Variants in EDNRB observed in about 807,000 individuals in gnomAD.
EDNRB encodes Hirschsprung disease 2.
A neutral mutation model predicts 46.4 loss-of-function variants in EDNRB; 18 were observed. That is an observed-to-expected ratio of 0.39 (90% CI 0.27 to 0.57). EDNRB has a LOEUF of 0.57. Among genes scored for constraint, EDNRB ranks in the 20% least tolerant of loss-of-function variants. The probability of loss-of-function intolerance (pLI) is 0.61; values close to 1 mark genes in which losing one functional copy is unlikely to be tolerated. For missense variants in EDNRB, 434 were observed against 537.5 expected (o/e 0.81, Z 1.90); for synonymous variants, 213 against 204.9 (o/e 1.04, Z -0.34).
intron 3 of EDNRB, 50 bp from the exon 4 acceptor site, chr13:77,901,257 C>T: frequency 6.3e-7 from 1 of 1,585,818 alleles, no homozygotes. Context: ...GTAAGAAAAT[C>T]TTATATAACA....
At chr13:77,911,572 G>C (rs1221972635) in intron 1 of EDNRB, among the ~76,000 whole-genome samples, 2 of 151,986 alleles carry the variant, frequency 1.3e-5, no homozygotes, top group Admixed American at 6.6e-5. Flanking sequence ...CCTCAAAAGG[G>C]GAGACTTGCT....
intron 1 of EDNRB, among the ~76,000 whole-genome samples, chr13:77,962,923 G>A (rs1258165430): frequency 6.6e-6 from 1 of 152,192 alleles, no homozygotes; most frequent in African/African-American, 2.4e-5. Flanking sequence ...CTTCAGCAAA[G>A]TCTCAGGATA....
upstream of EDNRB, among the ~76,000 whole-genome samples, chr13:77,922,540 T>C (rs1415295285): frequency 6.6e-6 from 1 of 152,014 alleles, no homozygotes; most frequent in Non-Finnish European, 1.5e-5. Flanking sequence ...ACAGAAAGAG[T>C]TGGTTCAACT....
upstream of EDNRB, chr13:77,919,399 C>A: frequency 6.2e-7 from 1 of 1,610,490 alleles, no homozygotes; most frequent in Non-Finnish European, 8.5e-7. Flanking sequence ...ATGTTTACCT[C>A]TCGGATCTGA....
intron 1 of EDNRB, among the ~76,000 whole-genome samples, chr13:77,955,929 G>T (rs1398233800): frequency 6.6e-6 from 1 of 151,362 alleles, no homozygotes; most frequent in African/African-American, 2.4e-5. Context: ...TTTAATCACA[G>T]TAGTTTTTAA....
intron 1 of EDNRB, among the ~76,000 whole-genome samples, chr13:77,961,892 T>C (rs1377403374): frequency 6.6e-6 from 1 of 151,674 alleles, no homozygotes; most frequent in African/African-American, 2.4e-5. Context: ...TCAAGACTAA[T>C]AAAGAAGACA....
intron 3 of EDNRB, among the ~76,000 whole-genome samples, chr13:77,902,267 C>T (rs921940982): frequency 5.9e-5 from 9 of 151,922 alleles, no homozygotes; most frequent in East Asian, 1.9e-4. Flanking sequence ...GTGCAGATTA[C>T]GTAGTAGTTG....
rs933852999 is a variant in EDNRB at position 77,896,793 on chromosome 13, C to T, written c.*1407G>A. Reference sequence around the variant, plus strand: ...CCTCATTTCCTCTCTCTTCCGTTTTCTCTTGTACATACTTTCACACACATC... The same window carrying T: ...CCTCATTTCCTCTCTCTTCCGTTTTTTCTTGTACATACTTTCACACACATC... On this transcript the variant is annotated 3_prime_UTR_variant, in exon 7 of 7. Coordinates refer to ENST00000646607, the MANE Select transcript of EDNRB (RefSeq NM_001122659.3). 2.3e-5 allele frequency: 30 copies of T among 1,278,862 alleles called. No homozygotes were observed. In the African/African-American group the frequency reaches 4.3e-4, roughly 18 times the overall value. 79.2% of individuals were successfully genotyped at this position (1,278,862 alleles called of 1,614,324 possible). A position where few individuals can be genotyped will look rare whatever the true frequency, so the allele number is the denominator to read the frequency against.
Position 77,960,653 on chromosome 13 carries a change from C to G in EDNRB, c.-52+14694G>C, listed in dbSNP as rs188961209. On this transcript the variant is annotated intron_variant, in intron 1 of 7. Transcript: ENST00000646948. ...ACTAATGAGCAAAATAACCAGTTAT[C>G]ATCATAATTGGCAGGATCAAATTCG... 2.6e-5 allele frequency among the ~76,000 whole-genome samples: 4 copies of G among 152,232 alleles called. No individual in the cohort carries two copies. The East Asian group carries it at 7.7e-4, about 29-fold the overall frequency.
intron 1 of EDNRB, among the ~76,000 whole-genome samples, chr13:77,941,114 GA>G (rs1880731871): frequency 6.6e-6 from 1 of 152,206 alleles, no homozygotes; most frequent in South Asian, 2.1e-4. Context: ...CTTAGACACA[GA>G]TGCATATTTG....
chr13:77,941,977 T>TA (rs1880761604), intron 1 of EDNRB, among the ~76,000 whole-genome samples: 2 of 152,178 alleles, frequency 1.3e-5, no homozygotes, highest in Non-Finnish European at 2.9e-5. Context: ...ATTTAAACAT[T>TA]ATTAACCACT....
intron 1 of EDNRB, among the ~76,000 whole-genome samples, chr13:77,954,592 A>G (rs1028624976): frequency 1.3e-5 from 2 of 151,782 alleles, no homozygotes; most frequent in Non-Finnish European, 1.5e-5. Flanking sequence ...GCTCACTGCC[A>G]TCTTCACCTC....
intron 1 of EDNRB, among the ~76,000 whole-genome samples, chr13:77,943,648 T>C (rs1046715339): frequency 6.6e-6 from 1 of 152,106 alleles, no homozygotes; most frequent in Non-Finnish European, 1.5e-5. Flanking sequence ...TTTCAGCCTT[T>C]AGCATTCTTG....
chr13:77,903,077 A>C (rs1879081383), intron 3 of EDNRB, 79 bp downstream of exon 3: 1 of 1,444,550 alleles, frequency 6.9e-7, no homozygotes, highest in Non-Finnish European at 9.6e-7. Context: ...CAGTTTCCCA[A>C]GGAGTGGGGA....
intron 1 of EDNRB, among the ~76,000 whole-genome samples, chr13:77,965,384 A>G (rs2137689651): frequency 6.6e-6 from 1 of 152,350 alleles, no homozygotes; most frequent in South Asian, 2.1e-4. Context: ...GAGAAGTTTA[A>G]GAAATGCCCA....
intron 1 of EDNRB, among the ~76,000 whole-genome samples, chr13:77,938,957 T>C (rs1304241423): frequency 6.6e-6 from 1 of 152,188 alleles, no homozygotes; most frequent in Non-Finnish European, 1.5e-5. Flanking sequence ...GAGGTCCCCC[T>C]ATCTGAGTCA....
chr13:77,919,419 T>G (rs1168908016), upstream of EDNRB: 6 of 1,612,562 alleles, frequency 3.7e-6, no homozygotes, highest in Non-Finnish European at 5.1e-6. Flanking sequence ...ACAAACCAGA[T>G]GCAGAGCGAC....
chr13:77,973,020 G>A (rs927009307), intron 1 of EDNRB, among the ~76,000 whole-genome samples: 1 of 152,074 alleles, frequency 6.6e-6, no homozygotes, highest in African/African-American at 2.4e-5. Context: ...TGATCTTCAG[G>A]CTGGTGCTGG....
intron 1 of EDNRB, among the ~76,000 whole-genome samples, chr13:77,937,378 A>G (rs968981104): frequency 1.3e-5 from 2 of 152,144 alleles, no homozygotes; most frequent in African/African-American, 4.8e-5. Flanking sequence ...TCAGCGTGAG[A>G]TTGGGCTAGA....
Sources: gnomAD v4.1 joint callset for allele counts (sites outside exome capture counted in the v4.1 genomes callset) on GRCh38, gnomAD v4.1.1 for gene constraint, MANE v1.5 for transcripts, NCBI Gene and HGNC (gene_info 2026-07-23, HGNC 2026-07-21) for gene names.